The following PPP2R5C variants were observed in gnomAD, a reference collection of about 807,000 sequenced individuals.
PPP2R5C encodes serine/threonine-protein phosphatase 2A 56 kDa regulatory subunit gamma isoform.
Under a neutral mutation model 68.9 loss-of-function variants are expected in PPP2R5C, and 7 were observed. That is an observed-to-expected ratio of 0.10 (90% CI 0.06 to 0.19). The LOEUF (loss-of-function observed/expected upper bound fraction) is 0.19, where lower values mean the gene tolerates loss of function less well. PPP2R5C is among the 10% of genes least tolerant of loss of function. The pLI, the probability that PPP2R5C is intolerant of heterozygous loss-of-function variation, is 1.00. For missense variants in PPP2R5C, 348 were observed against 641.3 expected, an observed-to-expected ratio of 0.54 and a Z score of 4.94; for synonymous variants, 210 against 222.2, an observed-to-expected ratio of 0.95 and a Z score of 0.49.
At chr14:101,823,630 C>A in intron 1 of PPP2R5C, 1 of 415,618 alleles carries the variant, frequency 2.4e-6, no homozygotes, top group Non-Finnish European at 3.3e-6. Context: ...ATGATTAGTC[C>A]TACTTTGACA....
chr14:101,766,910 G>C (rs2036888551), intron 2 of PPP2R5C: 1 of 152,228 alleles, frequency 6.6e-6, no homozygotes, highest in Non-Finnish European at 1.5e-5. Flanking sequence ...CATTTTGTAA[G>C]ATCAGACCAT....
intron 2 of PPP2R5C, among the ~76,000 whole-genome samples, chr14:101,785,176 G>A (rs2140063407): frequency 6.6e-6 from 1 of 152,294 alleles, no homozygotes; most frequent in South Asian, 2.1e-4. Flanking sequence ...CTCAAGGGGA[G>A]GCACTCAGAT....
chr14:101,875,225 C>T (rs1015815644), intron 2 of PPP2R5C, among the ~76,000 whole-genome samples: 6 of 152,100 alleles, frequency 3.9e-5, no homozygotes, highest in Admixed American at 2.0e-4. Context: ...GGAGGAAGCG[C>T]GAGGTAGATT....
intron 1 of PPP2R5C, among the ~76,000 whole-genome samples, chr14:101,826,640 T>C (rs948518754): frequency 6.6e-6 from 1 of 152,224 alleles, no homozygotes; most frequent in African/African-American, 2.4e-5. Context: ...TTGGGTCCAT[T>C]TTATTCAATG....
chr14:101,776,497 C>T (rs2037428442), intron 2 of PPP2R5C, among the ~76,000 whole-genome samples: 1 of 152,120 alleles, frequency 6.6e-6, no homozygotes, highest in Non-Finnish European at 1.5e-5. Flanking sequence ...TCCTATTCAG[C>T]CAACACTAAT....
intron 1 of PPP2R5C, among the ~76,000 whole-genome samples, chr14:101,762,663 T>G (rs549905038): frequency 8.1e-4 from 124 of 152,254 alleles, no homozygotes; most frequent in Non-Finnish European, 1.4e-3. Context: ...TGGATTTATC[T>G]GTTTTCTGCT....
chr14:101,876,264 A>T (rs2043771917), intron 2 of PPP2R5C, among the ~76,000 whole-genome samples: 1 of 152,132 alleles, frequency 6.6e-6, no homozygotes, highest in Non-Finnish European at 1.5e-5. Context: ...CAGTAACTGT[A>T]ATTTGGCCTT....
intron 1 of PPP2R5C, among the ~76,000 whole-genome samples, chr14:101,852,853 G>A (rs1400375548): frequency 2.6e-5 from 4 of 152,060 alleles, no homozygotes; most frequent in Non-Finnish European, 5.9e-5. Context: ...TACGGGTTTT[G>A]CATGAGTATG....
chr14:101,761,856 G>C, upstream of PPP2R5C: 1 of 1,079,786 alleles, frequency 9.3e-7, no homozygotes, highest in Non-Finnish European at 1.1e-6. Flanking sequence ...GGCAGGCGGC[G>C]GCAGGGGCGG....
At chr14:101,911,248 T>G (rs940090476) in intron 11 of PPP2R5C, among the ~76,000 whole-genome samples, 2 of 152,192 alleles carry the variant, frequency 1.3e-5, no homozygotes, top group Non-Finnish European at 1.5e-5. Flanking sequence ...CACTCCAGCC[T>G]GGGCGACAGA....
intron 2 of PPP2R5C, chr14:101,765,386 G>GA: frequency 3.2e-6 from 2 of 631,342 alleles, no homozygotes; most frequent in Non-Finnish European, 5.7e-6. Context: ...TTTCCCCTCA[G>GA]TCTTCAGCTC....
At chr14:101,771,623 G>A (rs2037156598) in intron 2 of PPP2R5C, among the ~76,000 whole-genome samples, 1 of 151,966 alleles carries the variant, frequency 6.6e-6, no homozygotes, top group South Asian at 2.1e-4. Context: ...AGCTACTCGG[G>A]AGGCTGAGGC....
intron 2 of PPP2R5C, among the ~76,000 whole-genome samples, chr14:101,865,054 C>T (rs1274053154): frequency 6.6e-6 from 1 of 152,130 alleles, no homozygotes; most frequent in Admixed American, 6.5e-5. Context: ...TTTGAGATTC[C>T]TGGGGAGAGG....
At chr14:101,864,586 C>T in intron 2 of PPP2R5C, among the ~76,000 whole-genome samples, 1 of 152,188 alleles carries the variant, frequency 6.6e-6, no homozygotes, top group East Asian at 1.9e-4. Context: ...CTTGCCTGGG[C>T]GCCCCAGAGA....
chr14:101,895,710 G>GT (rs1487437681), intron 8 of PPP2R5C, among the ~76,000 whole-genome samples: 7 of 152,128 alleles, frequency 4.6e-5, no homozygotes, highest in Non-Finnish European at 8.8e-5. Context: ...TTTATTCATT[G>GT]TTTTTTCAGT....
In PPP2R5C at chr14:101,797,115, A is replaced by G. The variant is rs909810271; in HGVS notation, c.259+10932A>G. The G allele has an allele frequency of 4.4e-6, 2 of 455,058 alleles. No individual in the cohort carries two copies. Among genetic ancestry groups the G allele is most frequent in the Non-Finnish European group, 8.8e-6 (2 of 226,116 alleles). 28.2% of individuals were successfully genotyped at this position (455,058 alleles called of 1,614,324 possible). On this transcript the variant is annotated intron_variant, in intron 3 of 14. Coordinates refer to the PPP2R5C transcript ENST00000328724. The surrounding 1 kb of genome is among the most constrained non-coding windows in gnomAD (Gnocchi z 4.2). ...TCTCCCCATTCTGCTTTCTGTCTCT[A>G]TGATTTTGCCCACAGTAGGAGCCTC... is the stretch of plus-strand genomic sequence containing the variant.
chr14:101,831,321 G>C lies in PPP2R5C; in HGVS notation c.94+21285G>C, dbSNP rs75963969. On this transcript the variant is annotated intron_variant, in intron 1 of 13. Transcript: ENST00000334743. ...TTATGTTTATTTTTGGCTACATCCA[G>C]AAAAGAATTTGATAAGGCTTAAACT... Among the ~76,000 whole-genome samples the C allele has an allele frequency of 1.1e-3, 175 of 152,244 alleles. 1 individual carries two copies. The Middle Eastern group carries it at 0.014, about 12-fold the overall frequency.
At chr14:101,898,399 T>C (rs986345614) in intron 8 of PPP2R5C, among the ~76,000 whole-genome samples, 20 of 152,074 alleles carry the variant, frequency 1.3e-4, no homozygotes, top group African/African-American at 4.1e-4. Context: ...CCTAACCTTC[T>C]CCACCGAGGG....
chr14:101,909,499 C>A, intron 10 of PPP2R5C, 90 bp from the exon 13 acceptor site: 1 of 789,300 alleles, frequency 1.3e-6, no homozygotes, highest in South Asian at 1.6e-5. Context: ...CGATGTGGGA[C>A]TGTTGGAATA....
Sources: allele counts gnomAD v4.1 joint callset (sites outside exome capture counted in the v4.1 genomes callset), GRCh38; gene constraint gnomAD v4.1.1; non-coding constraint Gnocchi (gnomAD v3.1); transcripts MANE v1.5; gene names NCBI Gene and HGNC (gene_info 2026-07-23, HGNC 2026-07-21).